The following NALF1 variants were observed in gnomAD, a reference collection of about 807,000 sequenced individuals.
NALF1 encodes NALCN channel auxiliary factor 1, also known as family with sequence similarity 155 member A.
In NALF1, 3 loss-of-function variants were observed where a neutral mutation model predicts 48.4. The ratio of observed to expected loss-of-function variants is 0.06; its 90% CI spans 0.03 to 0.16. The LOEUF is 0.16. Among genes scored for constraint, NALF1 ranks in the 10% least tolerant of loss-of-function variants. NALF1 has a pLI of 1.00. For synonymous variants in NALF1, 262 were observed against 245.7 expected (o/e 1.07, Z -0.62); for missense variants, 526 against 571.5 (o/e 0.92, Z 0.81).
chr13:107,418,088 A>C (rs1270406694), intron 1 of NALF1, among the ~76,000 whole-genome samples: 1 of 152,174 alleles, frequency 6.6e-6, no homozygotes, highest in Non-Finnish European at 1.5e-5. Context: ...TTAATTAAAT[A>C]CATGGGCTTA....
In NALF1 at chr13:107,866,932, T is replaced by C. The variant is rs1287809496; in HGVS notation, c.-336A>G. ...AGAGAGAGAGAGAGACGGAGGAGGC[T>C]GGTGCTGGTGGCCGGCGGCGAGGCT... On this transcript the variant is annotated 5_prime_UTR_variant, in exon 1 of 3. Coordinates refer to ENST00000375915, the MANE Select transcript of NALF1 (RefSeq NM_001080396.3). This position sits in a 1 kb window ranked among gnomAD's most constrained non-coding sequence, Gnocchi z 4.4. Among the ~76,000 whole-genome samples, 1 of 151,658 alleles carries C rather than the reference T, an allele frequency of 6.6e-6. No individual in the cohort carries two copies. Among genetic ancestry groups the C allele is most frequent in the East Asian group, 2.0e-4 (1 of 5,082 alleles).
At chr13:107,435,585 C>T (rs1884450865) in intron 1 of NALF1, among the ~76,000 whole-genome samples, 1 of 152,148 alleles carries the variant, frequency 6.6e-6, no homozygotes, top group Non-Finnish European at 1.5e-5. Flanking sequence ...TTAACCCAGC[C>T]AATTCCTACC....
At chr13:107,591,673 T>C (rs936019152) in intron 1 of NALF1, among the ~76,000 whole-genome samples, 1 of 152,046 alleles carries the variant, frequency 6.6e-6, no homozygotes, top group Non-Finnish European at 1.5e-5. Context: ...CTTGGAGTTT[T>C]AGAATTGCTT....
At position 107,387,020 on chromosome 13, in the gene NALF1, GCAA is replaced by G. The variant is rs766157597; in HGVS notation, c.916-176268_916-176266del. Among the ~76,000 whole-genome samples, 5 of 152,162 alleles carry G rather than the reference GCAA, an allele frequency of 3.3e-5. No individual in the cohort carries two copies. The South Asian group carries it at 6.2e-4, about 19-fold the overall frequency. On this transcript the variant is annotated intron_variant, in intron 1 of 2. Transcript: ENST00000375915. ...TTAGCTATGCACAAAAAAATGAAAAGCAACAACAACAACAAAACACAAACCTTT... is the reference window on the plus strand; with the variant it reads ...TTAGCTATGCACAAAAAAATGAAAAGCAACAACAACAAAACACAAACCTTT...
intron 1 of NALF1, among the ~76,000 whole-genome samples, chr13:107,329,020 G>T (rs911748231): frequency 2.6e-5 from 4 of 152,076 alleles, no homozygotes; most frequent in African/African-American, 7.2e-5. Flanking sequence ...GCTTCTCAAT[G>T]AGTTATCAAA....
At chr13:107,830,885 T>C (rs943986921) in intron 1 of NALF1, among the ~76,000 whole-genome samples, 7 of 152,210 alleles carry the variant, frequency 4.6e-5, no homozygotes, top group Non-Finnish European at 8.8e-5. Flanking sequence ...ATTAAAATGG[T>C]ACCTTCACCC....
intron 2 of NALF1, among the ~76,000 whole-genome samples, chr13:107,179,419 G>A (rs917960743): frequency 6.6e-6 from 1 of 152,048 alleles, no homozygotes; most frequent in Non-Finnish European, 1.5e-5. Flanking sequence ...CAAAAATATA[G>A]TTAGATAGAA....
At chr13:107,572,356 C>A (rs1878011984) in intron 1 of NALF1, among the ~76,000 whole-genome samples, 1 of 152,042 alleles carries the variant, frequency 6.6e-6, no homozygotes, top group East Asian at 1.9e-4. Flanking sequence ...TACTTACTGC[C>A]CATTATAAAT....
intron 1 of NALF1, among the ~76,000 whole-genome samples, chr13:107,338,842 C>T (rs960115680): frequency 2.0e-5 from 3 of 152,058 alleles, no homozygotes; most frequent in African/African-American, 4.8e-5. Context: ...AAAAAAGTTA[C>T]AGCTTGACGG....
chr13:107,335,666 A>G (rs1487531195), intron 1 of NALF1, among the ~76,000 whole-genome samples: 8 of 152,194 alleles, frequency 5.3e-5, no homozygotes, highest in Admixed American at 4.6e-4. Flanking sequence ...GGCATTTTTC[A>G]CCTTTCTGGT....
chr13:107,429,975 C>G (rs1027144190), intron 1 of NALF1, among the ~76,000 whole-genome samples: 1 of 152,162 alleles, frequency 6.6e-6, no homozygotes, highest in Non-Finnish European at 1.5e-5. Flanking sequence ...AAACACATAA[C>G]CTATGAGACT....
intron 1 of NALF1, chr13:107,320,831 A>G (rs976018789): frequency 1.3e-5 from 2 of 152,164 alleles, no homozygotes; most frequent in Non-Finnish European, 2.9e-5. Context: ...CTGAATTTAT[A>G]TTAATAAATT....
intron 1 of NALF1, among the ~76,000 whole-genome samples, chr13:107,823,455 G>T (rs2138619420): frequency 6.6e-6 from 1 of 152,256 alleles, no homozygotes; most frequent in South Asian, 2.1e-4. Context: ...TTCTTAGGTT[G>T]AAGGCACATC....
chr13:107,419,221 C>T (rs766342470), intron 1 of NALF1, among the ~76,000 whole-genome samples: 8 of 152,134 alleles, frequency 5.3e-5, no homozygotes, highest in Non-Finnish European at 1.2e-4. Context: ...AGTGATTCCT[C>T]AATTAAAATT....
intron 1 of NALF1, among the ~76,000 whole-genome samples, chr13:107,547,337 T>C (rs1877161965): frequency 6.6e-6 from 1 of 152,178 alleles, no homozygotes; most frequent in African/African-American, 2.4e-5. Flanking sequence ...AATCCCAGAT[T>C]CTTTAATTTG....
At chr13:107,660,435 A>AC (rs1880698496) in intron 1 of NALF1, among the ~76,000 whole-genome samples, 4 of 88,302 alleles carry the variant, frequency 4.5e-5, no homozygotes, top group South Asian at 4.9e-4. Flanking sequence ...TCTGTCTCAA[A>AC]AACACACACA....
intron 1 of NALF1, among the ~76,000 whole-genome samples, chr13:107,752,590 T>C (rs564248127): frequency 6.6e-6 from 1 of 152,188 alleles, no homozygotes; most frequent in Non-Finnish European, 1.5e-5. Flanking sequence ...GTATTATAAG[T>C]GAAATAAGTT....
Position 107,866,719 on chromosome 13 carries a change from CTCTCTCTCTT to C in NALF1, c.-133_-124del, listed in dbSNP as rs1880744209. 2 of 320,758 alleles carry C rather than the reference CTCTCTCTCTT, an allele frequency of 6.2e-6. No individual in the cohort carries two copies. Among genetic ancestry groups the C allele is most frequent in the Non-Finnish European group, 1.4e-5 (2 of 147,874 alleles). 19.9% of individuals were successfully genotyped at this position (320,758 alleles called of 1,614,324 possible). A position where few individuals can be genotyped will look rare whatever the true frequency, so the allele number is the denominator to read the frequency against. On this transcript the variant is annotated 5_prime_UTR_variant, in exon 1 of 3. Transcript: ENST00000375915. This position sits in a 1 kb window ranked among gnomAD's most constrained non-coding sequence, Gnocchi z 4.4. ...CCCCTCCTCCCGTTTCTTCTCTCTCCTCTCTCTCTTTCTCTCTCTTCCCCTCTCCCTCTCT... is the reference window on the plus strand; with the variant it reads ...CCCCTCCTCCCGTTTCTTCTCTCTCCTCTCTCTCTTCCCCTCTCCCTCTCT...
At chr13:107,368,504 C>T (rs751230088) in intron 1 of NALF1, among the ~76,000 whole-genome samples, 2 of 152,096 alleles carry the variant, frequency 1.3e-5, no homozygotes, top group African/African-American at 2.4e-5. Context: ...TCAGCAGGGC[C>T]ACGCTTGCTC....
Sources: gnomAD v4.1 joint callset for allele counts (sites outside exome capture counted in the v4.1 genomes callset) on GRCh38, gnomAD v4.1.1 for gene constraint, Gnocchi (gnomAD v3.1) non-coding constraint, MANE v1.5 for transcripts, NCBI Gene and HGNC (gene_info 2026-07-23, HGNC 2026-07-21) for gene names.